Variants in NUP188 observed in about 807,000 individuals in gnomAD.
NUP188 encodes nucleoporin 188, also known as nucleoporin NUP188.
Under a neutral mutation model 223.0 loss-of-function variants are expected in NUP188, and 97 were observed. The ratio of observed to expected loss-of-function variants is 0.43; its 90% confidence interval spans 0.37 to 0.51. The LOEUF is 0.51. Among genes scored for constraint, NUP188 ranks in the 20% least tolerant of loss-of-function variants. The pLI, the probability that NUP188 is intolerant of heterozygous loss-of-function variation, is 0.00. For synonymous variants in NUP188, 869 were observed against 828.0 expected, an observed-to-expected ratio of 1.05 and a Z score of -0.85; for missense variants, 1,947 against 2,175.6, an observed-to-expected ratio of 0.89 and a Z score of 2.09.
chr9:128,960,163 A>G (rs1588270988), intron 8 of NUP188, among the ~76,000 whole-genome samples: 2 of 144,680 alleles, frequency 1.4e-5, no homozygotes, highest in South Asian at 2.1e-4. Flanking sequence ...TCCCGGGTTC[A>G]CGCCATTCTC....
In NUP188 at chr9:128,994,836, C is replaced by T. The variant is rs2131179826; in HGVS notation, c.3088-20C>T. 1 of 1,606,196 alleles carries T rather than the reference C, an allele frequency of 6.2e-7. No homozygotes were observed. The highest frequency in any genetic ancestry group is 8.5e-7 in the Non-Finnish European group (1 of 1,173,002). ...CAGTGATCAGAGATGTGATAATTGC[C>T]TGTTCTGCTATCTCCACAGCCCAGC... On this transcript the variant is annotated intron_variant, in intron 28 of 43. Transcript: ENST00000372577.
chr9:128,995,628 G>C, intron 30 of NUP188, 114 bp downstream of exon 30: 2 of 899,642 alleles, frequency 2.2e-6, no homozygotes, highest in Non-Finnish European at 3.4e-6. Flanking sequence ...TTATCCCTGA[G>C]AGCTAAACTG....
intron 12 of NUP188, among the ~76,000 whole-genome samples, chr9:128,978,702 G>A (rs1842213807): frequency 6.6e-6 from 1 of 151,712 alleles, no homozygotes; most frequent in African/African-American, 2.4e-5. Flanking sequence ...CCACCCTTAA[G>A]CAGTTTTTTT....
rs114589396 is a variant in NUP188, at chr9:128,949,070, A to C, written c.33-119A>C. ...CAAGATTACTTTCCAAAAATTTAACAAATCGTTTTGTATATTGAGATTTTT... is the reference window on the plus strand; with the variant it reads ...CAAGATTACTTTCCAAAAATTTAACCAATCGTTTTGTATATTGAGATTTTT... On this transcript the variant is annotated intron_variant, in intron 1 of 43. Coordinates refer to ENST00000372577, the MANE Select transcript of NUP188 (RefSeq NM_015354.3). The C allele has an allele frequency of 4.0e-4, 270 of 672,950 alleles. 1 individual carries two copies. In the African/African-American group the frequency reaches 4.3e-3, roughly 11 times the overall value. 41.7% of individuals were successfully genotyped at this position (672,950 alleles called of 1,614,324 possible).
chr9:129,003,491 A>C, intron 38 of NUP188, 37 bp downstream of exon 38: 1 of 1,601,804 alleles, frequency 6.2e-7, no homozygotes, highest in Non-Finnish European at 8.5e-7. Context: ...GTCTGGGGTA[A>C]TGCTTGGAGA....
Position 128,956,374 on chromosome 9 carries a change from A to C in NUP188, c.186A>C (p.Lys62Asn), listed in dbSNP as rs901340161. ...PPSPSSAEKV[K>N]ANKDVASPLK... The stretch of plus-strand genomic sequence containing the variant: ...GTCCAAGTTCAGCTGAAAAAGTGAA[A>C]GCTAATAAAGATGTAGCTTCACCAT... The change falls in exon 4 of 44, where the codon AAA becomes AAC. Residue 62 changes from lysine (K) to asparagine (N), a missense_variant. Coordinates refer to ENST00000372577, the MANE Select transcript of NUP188 (RefSeq NM_015354.3). 1.3e-6 allele frequency: 2 copies of C among 1,575,052 alleles called. No individual in the cohort carries two copies. Among genetic ancestry groups the C allele is most frequent in the Middle Eastern group, 3.4e-4 (2 of 5,962 alleles).
At position 128,984,970 on chromosome 9, in the gene NUP188, G is replaced by C. The variant is rs1250118191; in HGVS notation, c.2032G>C (p.Gly678Arg). The C allele has an allele frequency of 1.2e-6, 2 of 1,613,880 alleles. No homozygotes were observed. The highest frequency in any genetic ancestry group is 3.3e-5 in the Admixed American group (2 of 59,984). The change falls in exon 20 of 44, where the codon GGG becomes CGG. Residue 678 changes from glycine to arginine, a missense_variant. Gly to Arg is a moderately radical substitution (Grantham distance 125). Around this residue, in one of 3 missense-constraint regions of NUP188, gnomAD observed 817 missense variants for 865.8 expected, o/e 0.94. Coordinates refer to ENST00000372577, the MANE Select transcript of NUP188 (RefSeq NM_015354.3). Reference sequence around the variant, plus strand: ...CAGTGAACAGCCTCAGGGCGAGTATGGGGTTACTATTGCCTTTCTGCGCTT... The same window carrying C: ...CAGTGAACAGCCTCAGGGCGAGTATCGGGTTACTATTGCCTTTCTGCGCTT... ...MNSEQPQGEY[G>R]VTIAFLRLIT...
rs1236322953 is a variant in NUP188, at chr9:128,983,400, C to G, written c.1884+20C>G. On this transcript the variant is annotated intron_variant, in intron 18 of 43. Transcript: ENST00000372577. ...GCAAAGGTGAGATGCCAGATCTTCC[C>G]AAGAGCCAAAAATGTAGCACTTGGC... is the stretch of plus-strand genomic sequence containing the variant. The G allele has an allele frequency of 1.9e-6, 3 of 1,613,726 alleles. No individual in the cohort carries two copies. In the East Asian group the frequency reaches 6.7e-5, roughly 36 times the overall value.
At chr9:129,001,386 G>A (rs898971833) in intron 34 of NUP188, 143 bp from the exon 35 acceptor site, 6 of 679,052 alleles carry the variant, frequency 8.8e-6, no homozygotes, top group African/African-American at 8.8e-5. Flanking sequence ...GGGTGGGAGA[G>A]AGTGTGCATT....
At chr9:128,960,213 G>A (rs1287069150) in intron 8 of NUP188, among the ~76,000 whole-genome samples, 1 of 150,864 alleles carries the variant, frequency 6.6e-6, no homozygotes, top group Admixed American at 6.6e-5. Flanking sequence ...ACAGGTGCCC[G>A]CCACCACGCC....
intron 25 of NUP188, among the ~76,000 whole-genome samples, chr9:128,991,969 G>A (rs1450478100): frequency 1.4e-5 from 2 of 140,998 alleles, no homozygotes; most frequent in Non-Finnish European, 3.0e-5. Context: ...GTGCAGTGGC[G>A]CGATCTCGGC....
At chr9:128,979,393 T>C (rs1842224342) in intron 13 of NUP188, 66 bp downstream of exon 13, 18 of 1,182,246 alleles carry the variant, frequency 1.5e-5, no homozygotes, top group Non-Finnish European at 2.3e-5. Context: ...TTCTTACAGG[T>C]TTTGTACTAA....
In NUP188 at chr9:129,005,358, C is replaced by T. The variant is rs755201900; in HGVS notation, c.4565C>T (p.Pro1522Leu). 22 of 1,613,752 alleles carry T rather than the reference C, an allele frequency of 1.4e-5. No individual in the cohort carries two copies. Among genetic ancestry groups the T allele is most frequent in the Admixed American group, 3.3e-5 (2 of 60,010 alleles). The change falls in exon 40 of 44, where the codon CCG (proline) becomes CTG (leucine). Residue 1522 changes from proline (P) to leucine (L), a missense_variant. By Grantham distance (98) the Pro-to-Leu change is moderately conservative. This residue lies in a region of NUP188 where 905 missense variants were observed against 990.6 expected (regional missense o/e 0.91). Coordinates refer to ENST00000372577, the MANE Select transcript of NUP188 (RefSeq NM_015354.3). ...GTTGCCCAGCGAGTCCAGAGGCCACCGTCTGCTGCTTCTGCTGCCCCCTCC... is the reference window on the plus strand; with the variant it reads ...GTTGCCCAGCGAGTCCAGAGGCCACTGTCTGCTGCTTCTGCTGCCCCCTCC... ...SAVAQRVQRPPSAASAAPSSS... is the reference protein window; with the variant it reads ...SAVAQRVQRPLSAASAAPSSS...
chr9:129,001,475 C>T (rs759462892), intron 34 of NUP188, 54 bp from the exon 35 acceptor site: 161 of 1,568,154 alleles, frequency 1.0e-4, no homozygotes, highest in Non-Finnish European at 1.4e-4. Context: ...GCCTGTCGTC[C>T]TCTTCCTCCT....
intron 5 of NUP188, 79 bp downstream of exon 5, chr9:128,957,111 A>T: frequency 1.0e-6 from 1 of 988,944 alleles, no homozygotes; most frequent in South Asian, 1.6e-5. Context: ...GGATTTTGGC[A>T]CCAATTCTTT....
chr9:128,956,552 A>G, intron 4 of NUP188, 118 bp downstream of exon 4: 1 of 580,088 alleles, frequency 1.7e-6, no homozygotes, highest in Admixed American at 3.7e-5. Flanking sequence ...ATTGTTTTAT[A>G]AATACCCAGG....
Position 128,983,468 on chromosome 9 carries a change from T to C in NUP188, c.1885-6T>C. On this transcript the variant is annotated splice_region_variant and splice_polypyrimidine_tract_variant and intron_variant, in intron 18 of 43. Transcript: ENST00000372577. Reference sequence around the variant, plus strand: ...TGGGCATTTAACTCTTCCTTTTCCTTCTCAGGTCTGGACTGATCTTCGTCA... The same window carrying C: ...TGGGCATTTAACTCTTCCTTTTCCTCCTCAGGTCTGGACTGATCTTCGTCA... 1 of 1,613,968 alleles carries C rather than the reference T, an allele frequency of 6.2e-7. No individual in the cohort carries two copies. Among genetic ancestry groups the C allele is most frequent in the East Asian group, 2.2e-5 (1 of 44,880 alleles).
chr9:128,988,103 C>T lies in NUP188; in HGVS notation c.2450C>T (p.Ala817Val). The T allele has an allele frequency of 6.2e-7, 1 of 1,614,132 alleles. No homozygotes were observed. The highest frequency in any genetic ancestry group is 1.1e-5 in the South Asian group (1 of 91,086). Residue 817 changes from alanine (A) to valine (V), a missense_variant, in exon 24 of 44, where the codon GCA becomes GTA. Ala to Val is a moderately conservative substitution (Grantham distance 64, BLOSUM62 0). Transcript: ENST00000372577. ...GQLLIKTVKL[A>V]FSVTNNVIRL... ...CTGCTGATCAAGACAGTGAAACTGG[C>T]ATTCTCCGTCACCAACAATGTTATT...
At chr9:128,971,705 A>AC (rs1352680386) in intron 11 of NUP188, among the ~76,000 whole-genome samples, 2 of 152,188 alleles carry the variant, frequency 1.3e-5, no homozygotes, top group Non-Finnish European at 2.9e-5. Context: ...GGCGTGAGCC[A>AC]CCGTGCCCAG....
Sources: allele counts gnomAD v4.1 joint callset (sites outside exome capture counted in the v4.1 genomes callset), GRCh38; gene constraint gnomAD v4.1.1; regional missense constraint gnomAD v4.1.1; transcripts MANE v1.5; gene names NCBI Gene and HGNC (gene_info 2026-07-23, HGNC 2026-07-21).